The following GUCY1A2 variants were observed in gnomAD, a reference collection of about 807,000 sequenced individuals.
The protein encoded by GUCY1A2 is guanylate cyclase soluble subunit alpha-2.
In GUCY1A2, 27 loss-of-function variants were observed where a neutral mutation model predicts 63.5. That is an observed-to-expected ratio of 0.43 (90% CI 0.31 to 0.59). The LOEUF (loss-of-function observed/expected upper bound fraction) is 0.59, where lower values mean the gene tolerates loss of function less well. GUCY1A2 is among the 20% of genes least tolerant of loss of function. The pLI is 0.11. For missense variants in GUCY1A2, 768 were observed against 913.3 expected (o/e 0.84, Z 2.05); for synonymous variants, 364 against 343.5 (o/e 1.06, Z -0.66).
chr11:106,909,355 C>CTGTGTGTGTGTGTGTGTGTG (rs59067320), intron 4 of GUCY1A2, among the ~76,000 whole-genome samples: 4,647 of 119,808 alleles, frequency 0.039, 216 homozygotes, highest in African/African-American at 0.044. Context: ...TGGTACTCAT[C>CTGTGTGTGTGTGTGTGTGTG]TGTGTGTGTG....
chr11:106,813,867 A>G (rs140449563), intron 4 of GUCY1A2, among the ~76,000 whole-genome samples: 59 of 152,176 alleles, frequency 3.9e-4, no homozygotes, highest in African/African-American at 1.4e-3. Context: ...TGAGTACTTA[A>G]TTAATACTTA....
chr11:106,982,031 AC>A (rs1861343411), intron 2 of GUCY1A2, among the ~76,000 whole-genome samples: 1 of 152,196 alleles, frequency 6.6e-6, no homozygotes, highest in Non-Finnish European at 1.5e-5. Flanking sequence ...ATGACTTCAT[AC>A]ATTATTATCA....
chr11:106,904,934 G>A (rs1860183914), intron 4 of GUCY1A2, among the ~76,000 whole-genome samples: 1 of 151,962 alleles, frequency 6.6e-6, no homozygotes, highest in Admixed American at 6.6e-5. Flanking sequence ...AGATATATAA[G>A]CAACACGATT....
intron 4 of GUCY1A2, among the ~76,000 whole-genome samples, chr11:106,901,191 A>G (rs1860128274): frequency 6.6e-6 from 1 of 152,210 alleles, no homozygotes; most frequent in Non-Finnish European, 1.5e-5. Context: ...TTCCATCTCA[A>G]GAAACCACTT....
chr11:106,746,797 T>C (rs531602045), intron 6 of GUCY1A2, among the ~76,000 whole-genome samples: 3 of 152,228 alleles, frequency 2.0e-5, no homozygotes, highest in African/African-American at 7.2e-5. Flanking sequence ...ATAAAAAAAT[T>C]ATCTGGCATA....
At chr11:106,922,689 ATATATATATATATATATATATATATATG>A (rs888446000) in intron 4 of GUCY1A2, among the ~76,000 whole-genome samples, 408 of 17,302 alleles carry the variant, frequency 0.024, 1 homozygote, top group African/African-American at 0.057. Flanking sequence ...ATATATATAT[ATATATATATATATATATATATATATATG>A]TACTCACAAT....
rs568363584 is a variant in GUCY1A2, at chr11:106,840,159, C to T, written c.1207-29681G>A. On this transcript the variant is annotated intron_variant, in intron 4 of 7. Coordinates refer to ENST00000526355, the MANE Select transcript of GUCY1A2 (RefSeq NM_000855.3). ...TACATTCACCTAAGAAATAAGGTAT[C>T]TCTCATCTGTGCCAAAAATGATGAT... Among the ~76,000 whole-genome samples the T allele has an allele frequency of 1.2e-4, 19 of 152,006 alleles. 1 individual carries two copies. In the South Asian group the frequency reaches 3.9e-3, roughly 31 times the overall value.
chr11:106,993,335 G>A (rs1861494622), intron 1 of GUCY1A2, among the ~76,000 whole-genome samples: 1 of 152,034 alleles, frequency 6.6e-6, no homozygotes, highest in Non-Finnish European at 1.5e-5. Flanking sequence ...TTCTTTGTAG[G>A]TAGGCCTGTA....
chr11:106,687,893 T>C, intron 7 of GUCY1A2, 137 bp from the exon 8 acceptor site: 2 of 613,200 alleles, frequency 3.3e-6, no homozygotes, highest in South Asian at 4.1e-5. Context: ...AGATGTGGCC[T>C]TCATCAGATT....
chr11:106,704,819 A>T (rs1862879118), intron 7 of GUCY1A2, among the ~76,000 whole-genome samples: 1 of 151,574 alleles, frequency 6.6e-6, no homozygotes, highest in Admixed American at 6.6e-5. Context: ...ATGTTAAGAC[A>T]GTTGTTTATA....
At chr11:107,002,088 C>T (rs1268407139) in intron 1 of GUCY1A2, among the ~76,000 whole-genome samples, 1 of 151,534 alleles carries the variant, frequency 6.6e-6, no homozygotes, top group African/African-American at 2.4e-5. Context: ...TTTTGCAGTA[C>T]ATAAAATAGA....
chr11:106,860,276 AT>A (rs58523533), intron 4 of GUCY1A2, among the ~76,000 whole-genome samples: 17,910 of 145,460 alleles, frequency 0.12, 1,169 homozygotes, highest in African/African-American at 0.18. Context: ...ATGAACATTG[AT>A]TTTTTTTTTT....
chr11:106,722,174 G>T (rs1476561562), intron 6 of GUCY1A2, among the ~76,000 whole-genome samples: 1 of 152,172 alleles, frequency 6.6e-6, no homozygotes, highest in East Asian at 1.9e-4. Flanking sequence ...GACACCAAAG[G>T]GACTGGATGC....
intron 4 of GUCY1A2, among the ~76,000 whole-genome samples, chr11:106,822,579 A>C (rs1858917261): frequency 3.9e-5 from 6 of 152,160 alleles, no homozygotes; most frequent in Admixed American, 3.9e-4. Flanking sequence ...ATGTGTACTC[A>C]ACGTTTAGCT....
At chr11:106,700,930 A>G (rs967496484) in intron 7 of GUCY1A2, among the ~76,000 whole-genome samples, 2 of 152,108 alleles carry the variant, frequency 1.3e-5, no homozygotes, top group African/African-American at 2.4e-5. Context: ...ATCCTTGTAT[A>G]ATAATTATAT....
rs1430798649 is a variant in GUCY1A2, at chr11:106,682,409, A to G, written c.*5140T>C. ...AACACAGATTCCTAGGCCCTACCTG[A>G]GACCTACTGAATCCAAATCTCTGAA... On this transcript the variant is annotated 3_prime_UTR_variant, in exon 8 of 8. Coordinates refer to ENST00000526355, the MANE Select transcript of GUCY1A2 (RefSeq NM_000855.3). The G allele has an allele frequency of 4.8e-6, 1 of 210,510 alleles. No individual in the cohort carries two copies. The highest frequency in any genetic ancestry group is 5.9e-5 in the Admixed American group (1 of 16,966). 13.0% of individuals were successfully genotyped at this position (210,510 alleles called of 1,614,324 possible).
At chr11:106,962,746 A>C (rs1279283286) in intron 3 of GUCY1A2, among the ~76,000 whole-genome samples, 1 of 149,608 alleles carries the variant, frequency 6.7e-6, no homozygotes, top group African/African-American at 2.4e-5. Flanking sequence ...TTTTTATGCA[A>C]CAATTAAAGT....
At chr11:106,779,110 G>A (rs1301775819) in intron 5 of GUCY1A2, among the ~76,000 whole-genome samples, 1 of 152,090 alleles carries the variant, frequency 6.6e-6, no homozygotes, top group African/African-American at 2.4e-5. Context: ...GACCAACAGT[G>A]CAAAACTTAT....
intron 5 of GUCY1A2, among the ~76,000 whole-genome samples, chr11:106,809,022 T>C (rs1349977213): frequency 6.6e-6 from 1 of 152,166 alleles, no homozygotes; most frequent in African/African-American, 2.4e-5. Flanking sequence ...ATAGTCTACA[T>C]AATGAAACTA....
Sources: gnomAD v4.1 joint callset for allele counts (sites outside exome capture counted in the v4.1 genomes callset) on GRCh38, gnomAD v4.1.1 for gene constraint, MANE v1.5 for transcripts, NCBI Gene and HGNC (gene_info 2026-07-23, HGNC 2026-07-21) for gene names.